The following DLGAP4 variants were observed in gnomAD, a reference collection of about 807,000 sequenced individuals.
DLGAP4 encodes disks large-associated protein 4.
DLGAP4 carries 18 observed loss-of-function variants against 86.9 expected under a neutral mutation model. The observed-to-expected ratio is 0.21, with a 90% CI of 0.14 to 0.31. The LOEUF (loss-of-function observed/expected upper bound fraction) is 0.31, where lower values mean the gene tolerates loss of function less well. DLGAP4 is among the 10% of genes least tolerant of loss of function. The pLI is 1.00. For missense variants in DLGAP4, 1,085 were observed against 1,362.6 expected, an observed-to-expected ratio of 0.80 and a Z score of 3.21; for synonymous variants, 548 against 574.3, an observed-to-expected ratio of 0.95 and a Z score of 0.65.
At chr20:36,318,080 C>A (rs1360000085) in intron 1 of DLGAP4, among the ~76,000 whole-genome samples, 1 of 150,144 alleles carries the variant, frequency 6.7e-6, no homozygotes, top group African/African-American at 2.5e-5. Flanking sequence ...CATTTAGCAG[C>A]TTAAAGCAGT....
intron 1 of DLGAP4, among the ~76,000 whole-genome samples, chr20:36,317,335 C>CTT: frequency 7.4e-6 from 1 of 135,468 alleles, no homozygotes; most frequent in Non-Finnish European, 1.6e-5. Context: ...CTTCCTCTTT[C>CTT]TCTCTTTCTT....
At chr20:36,506,442 G>C (rs2036376565) in intron 10 of DLGAP4, among the ~76,000 whole-genome samples, 1 of 152,046 alleles carries the variant, frequency 6.6e-6, no homozygotes, top group Admixed American at 6.6e-5. Flanking sequence ...ACTCTAGAGG[G>C]GGCCCTTTTC....
In DLGAP4 at chr20:36,496,783, TCA is replaced by T; in HGVS notation, c.1730_1731del (p.Thr577SerfsTer6). On this transcript the variant is annotated frameshift_variant, in exon 8 of 13. Transcript: ENST00000339266. LOFTEE classifies it high-confidence loss of function. The stretch of plus-strand genomic sequence containing the variant: ...ACCACTTCAAAGCCGTTCATCTCAG[TCA>T]CAGTCCAGAGCAGTACTGAGTCTGC... The T allele has an allele frequency of 6.2e-7, 1 of 1,614,110 alleles. No individual in the cohort carries two copies. Among genetic ancestry groups the T allele is most frequent in the Non-Finnish European group, 8.5e-7 (1 of 1,179,974 alleles).
intron 1 of DLGAP4, among the ~76,000 whole-genome samples, chr20:36,315,579 G>A (rs1333428860): frequency 1.3e-5 from 2 of 152,154 alleles, no homozygotes; most frequent in East Asian, 1.9e-4. Flanking sequence ...TGCCCTGGCC[G>A]CAGCTAGCAA....
chr20:36,403,888 G>A (rs989487820), intron 2 of DLGAP4, among the ~76,000 whole-genome samples: 6 of 152,214 alleles, frequency 3.9e-5, no homozygotes, highest in African/African-American at 9.6e-5. Context: ...AGGAGGCCAC[G>A]TGGACCACTC....
intron 7 of DLGAP4, among the ~76,000 whole-genome samples, 188 bp from the exon 8 acceptor site, chr20:36,496,515 CTG>C (rs1464923624): frequency 2.6e-5 from 4 of 152,218 alleles, no homozygotes; most frequent in Non-Finnish European, 5.9e-5. Context: ...TGGGTAGGGC[CTG>C]TGTGTGTCTG....
intron 7 of DLGAP4, among the ~76,000 whole-genome samples, chr20:36,483,958 A>G (rs1022651649): frequency 3.3e-5 from 5 of 152,208 alleles, no homozygotes; most frequent in Non-Finnish European, 5.9e-5. Flanking sequence ...TGACTGGGGA[A>G]CTGGCCTGGC....
rs1414975958 is a variant in DLGAP4, at chr20:36,517,015, C to T, written c.2513-7235C>T. On this transcript the variant is annotated intron_variant, in intron 10 of 12. Coordinates refer to ENST00000339266, the MANE Select transcript of DLGAP4 (RefSeq NM_001365621.2). ...ACGCCTGACCTCGTGATCCGCCCGC[C>T]TCGGCCTCCCAGAGTGCTGGGATTA... 2.6e-5 allele frequency among the ~76,000 whole-genome samples: 4 copies of T among 151,816 alleles called. No individual in the cohort carries two copies. In the East Asian group the frequency reaches 8.0e-4, roughly 31 times the overall value.
chr20:36,431,802 C>G lies in DLGAP4; in HGVS notation c.85C>G (p.Arg29Gly). 1.2e-6 allele frequency: 2 copies of G among 1,613,756 alleles called. No homozygotes were observed. The highest frequency in any genetic ancestry group is 1.7e-6 in the Non-Finnish European group (2 of 1,179,906). The change falls in exon 3 of 13, where the codon CGC becomes GGC. Residue 29 changes from arginine (R) to glycine (G), a missense_variant. Physicochemically the swap from Arg to Gly is moderately radical, Grantham distance 125 (BLOSUM62 -2). Coordinates refer to ENST00000339266, the MANE Select transcript of DLGAP4 (RefSeq NM_001365621.2). The surrounding 1 kb of genome is among the most constrained non-coding windows in gnomAD (Gnocchi z 5.1). ...CGAGCCCCTGTTTGCAGGGACCGAC[C>G]GCAACCCCTACCTGCTGTCGCCCAC... ...PHEPLFAGTD[R>G]NPYLLSPTEA...
At chr20:36,384,910 T>C (rs1454692683) in intron 2 of DLGAP4, among the ~76,000 whole-genome samples, 5 of 152,150 alleles carry the variant, frequency 3.3e-5, no homozygotes, top group Non-Finnish European at 7.4e-5. Context: ...CATAACCACA[T>C]TGGTGAAGAG....
In DLGAP4 at chr20:36,447,134, G is replaced by C. The variant is rs575524851; in HGVS notation, c.1648+197G>C. On this transcript the variant is annotated intron_variant, in intron 7 of 12. Coordinates refer to ENST00000339266, the MANE Select transcript of DLGAP4 (RefSeq NM_001365621.2). ...ATTGGCCACTGGAGCTCAAATGGGGGTCCCAGAGGCAGATGCCACCCCTGG... is the reference window on the plus strand; with the variant it reads ...ATTGGCCACTGGAGCTCAAATGGGGCTCCCAGAGGCAGATGCCACCCCTGG... 4.6e-5 allele frequency among the ~76,000 whole-genome samples: 7 copies of C among 152,316 alleles called. 1 individual carries two copies. Among genetic ancestry groups the C allele is most frequent in the Admixed American group, 4.6e-4 (7 of 15,308 alleles).
intron 4 of DLGAP4, among the ~76,000 whole-genome samples, chr20:36,437,343 A>G (rs1167061693): frequency 6.6e-6 from 1 of 152,138 alleles, no homozygotes; most frequent in Non-Finnish European, 1.5e-5. Context: ...AACCCCTCCC[A>G]CAGGAGCCAC....
At chr20:36,501,967 T>C (rs990991262) in intron 10 of DLGAP4, among the ~76,000 whole-genome samples, 2 of 152,332 alleles carry the variant, frequency 1.3e-5, no homozygotes, top group African/African-American at 4.8e-5. Flanking sequence ...CCCACCGCCC[T>C]ACCTGGGCCT....
intron 7 of DLGAP4, among the ~76,000 whole-genome samples, chr20:36,489,629 A>G (rs989838003): frequency 2.0e-5 from 3 of 151,998 alleles, no homozygotes; most frequent in African/African-American, 7.3e-5. Context: ...GGATTCCTCA[A>G]ATGGCTGGGG....
chr20:36,323,016 G>C (rs1157344277), intron 1 of DLGAP4, among the ~76,000 whole-genome samples: 3 of 151,292 alleles, frequency 2.0e-5, no homozygotes, highest in Non-Finnish European at 4.4e-5. Flanking sequence ...CTCTACAAAA[G>C]ATACAAACAC....
At position 36,406,397 on chromosome 20, in the gene DLGAP4, CA is replaced by C. The variant is rs72014350; in HGVS notation, c.-72-25229del. ...TGGGTGACAGAGCGAGACTCCACCT[CA>C]AAAAAAAAAAAAAAAAAAATTCACC... On this transcript the variant is annotated intron_variant, in intron 2 of 12. Coordinates refer to ENST00000339266, the MANE Select transcript of DLGAP4 (RefSeq NM_001365621.2). Among the ~76,000 whole-genome samples the C allele has an allele frequency of 1.0e-2, 1,097 of 110,122 alleles. 13 individuals are homozygous for C. Among genetic ancestry groups the C allele is most frequent in the African/African-American group, 0.03 (849 of 28,052 alleles). 72.2% of individuals were successfully genotyped at this position (110,122 alleles called of 152,430 possible). A position where few individuals can be genotyped will look rare whatever the true frequency, so the allele number is the denominator to read the frequency against.
At chr20:36,351,646 T>C (rs2030156921) in intron 1 of DLGAP4, among the ~76,000 whole-genome samples, 1 of 152,092 alleles carries the variant, frequency 6.6e-6, no homozygotes, top group South Asian at 2.1e-4. Context: ...GCTTGAATCA[T>C]CCGGAAACCA....
intron 2 of DLGAP4, among the ~76,000 whole-genome samples, chr20:36,384,275 TC>T (rs570048453): frequency 2.2e-4 from 34 of 152,116 alleles, no homozygotes; most frequent in Non-Finnish European, 4.6e-4. Context: ...TGTCCTCGGT[TC>T]TGTCTTGAGA....
intron 7 of DLGAP4, chr20:36,461,701 CCCTCCTCCTCCTCCT>C (rs1175791446): frequency 4.4e-6 from 3 of 679,204 alleles, no homozygotes; most frequent in South Asian, 7.0e-5. Context: ...CCCGCCCTCG[CCCTCCTCCTCCTCCT>C]CCTCCTCCCC....
Sources: gnomAD v4.1 joint callset for allele counts (sites outside exome capture counted in the v4.1 genomes callset) on GRCh38, gnomAD v4.1.1 for gene constraint, Gnocchi (gnomAD v3.1) non-coding constraint, MANE v1.5 for transcripts, NCBI Gene and HGNC (gene_info 2026-07-23, HGNC 2026-07-21) for gene names.